The following CFAP53 variants were observed in gnomAD, a reference collection of about 807,000 sequenced individuals.
CFAP53 encodes the protein cilia and flagella associated protein 53, also known as cilia- and flagella-associated protein 53.
A neutral mutation model predicts 59.7 loss-of-function variants in CFAP53; 62 were observed. The ratio of observed to expected loss-of-function variants is 1.04; its 90% CI spans 0.85 to 1.28. The LOEUF (loss-of-function observed/expected upper bound fraction) is 1.28, where lower values mean the gene tolerates loss of function less well. CFAP53 is among the 50% of genes most tolerant of loss of function. The pLI, the probability that CFAP53 is intolerant of heterozygous loss-of-function variation, is 0.00. For synonymous variants in CFAP53, 218 were observed against 205.7 expected, an observed-to-expected ratio of 1.06 and a Z score of -0.51; for missense variants, 629 against 615.6, an observed-to-expected ratio of 1.02 and a Z score of -0.23.
At chr18:50,265,817 G>C (rs917246323) in intron 1 of CFAP53, among the ~76,000 whole-genome samples, 4 of 152,216 alleles carry the variant, frequency 2.6e-5, no homozygotes, top group Non-Finnish European at 4.4e-5. Context: ...GGACACTTCT[G>C]TCCAGCAATG....
chr18:50,262,508 T>TAGACTC (rs1391694970), intron 1 of CFAP53, among the ~76,000 whole-genome samples: 18 of 152,312 alleles, frequency 1.2e-4, no homozygotes, highest in African/African-American at 4.3e-4. Flanking sequence ...TCTGTTGAGA[T>TAGACTC]TGTCTAGTCA....
At chr18:50,228,219 A>G (rs2033545687) in intron 7 of CFAP53, among the ~76,000 whole-genome samples, 1 of 151,384 alleles carries the variant, frequency 6.6e-6, no homozygotes, top group Admixed American at 6.6e-5. Flanking sequence ...TCAGCCTCCC[A>G]AAGTGCTGGG....
chr18:50,232,122 A>G (rs1174398460), intron 7 of CFAP53, among the ~76,000 whole-genome samples: 2 of 152,226 alleles, frequency 1.3e-5, no homozygotes, highest in African/African-American at 4.8e-5. Flanking sequence ...GGACATCCTG[A>G]GAGAAAGTGC....
intron 1 of CFAP53, among the ~76,000 whole-genome samples, chr18:50,266,112 T>A (rs1331037856): frequency 1.3e-5 from 2 of 152,164 alleles, no homozygotes; most frequent in African/African-American, 2.4e-5. Context: ...TGGGGGCAGA[T>A]GAAAGGCTGT....
At chr18:50,238,104 G>T (rs186453497) in intron 7 of CFAP53, among the ~76,000 whole-genome samples, 6 of 152,268 alleles carry the variant, frequency 3.9e-5, no homozygotes, top group Admixed American at 3.9e-4. Context: ...AATGGCAATG[G>T]AATTTAATTT....
chr18:50,260,464 C>A (rs2033880013), intron 3 of CFAP53, among the ~76,000 whole-genome samples: 1 of 152,058 alleles, frequency 6.6e-6, no homozygotes, highest in Non-Finnish European at 1.5e-5. Flanking sequence ...GAGTTCAAAA[C>A]CACCCTGCGC....
intron 3 of CFAP53, among the ~76,000 whole-genome samples, chr18:50,254,022 T>C (rs2033824652): frequency 6.6e-6 from 1 of 151,998 alleles, no homozygotes; most frequent in Non-Finnish European, 1.5e-5. Context: ...AAAAGAAATA[T>C]TGACAAATTT....
At chr18:50,258,826 T>C (rs918082762) in intron 3 of CFAP53, among the ~76,000 whole-genome samples, 1 of 152,044 alleles carries the variant, frequency 6.6e-6, no homozygotes, top group Non-Finnish European at 1.5e-5. Flanking sequence ...AAAGAACACA[T>C]ACAAATGGCA....
intron 3 of CFAP53, among the ~76,000 whole-genome samples, chr18:50,256,737 T>G (rs954508887): frequency 6.6e-6 from 1 of 152,080 alleles, no homozygotes; most frequent in African/African-American, 2.4e-5. Context: ...GAAGCTTTTC[T>G]CTGCACCATG....
rs375428455 is a variant in CFAP53, at chr18:50,262,022, C to T, written c.267G>A (p.Gly89=). The change falls in exon 2 of 8, where the codon GGG becomes GGA. Residue 89 remains glycine, a synonymous_variant. Transcript: ENST00000398545. ...GTCTTTCTTCAATGTTAATGATAAACCCTTGCACAGCATCCTTGATTCTTG... is the reference window on the plus strand; with the variant it reads ...GTCTTTCTTCAATGTTAATGATAAATCCTTGCACAGCATCCTTGATTCTTG... ...VRARIKDAVQ[G]FIINIEERRN... 36 of 1,613,928 alleles carry T rather than the reference C, an allele frequency of 2.2e-5. No homozygotes were observed. Among genetic ancestry groups the T allele is most frequent in the Non-Finnish European group, 2.1e-5 (25 of 1,179,920 alleles).
intron 2 of CFAP53, among the ~76,000 whole-genome samples, chr18:50,261,560 T>A (rs2033894414): frequency 6.6e-6 from 1 of 151,938 alleles, no homozygotes; most frequent in African/African-American, 2.4e-5. Flanking sequence ...GCCCAGCTGT[T>A]TTTTTATTTT....
intron 5 of CFAP53, among the ~76,000 whole-genome samples, chr18:50,243,373 G>A (rs893224815): frequency 5.9e-5 from 9 of 152,168 alleles, no homozygotes; most frequent in Non-Finnish European, 1.3e-4. Flanking sequence ...GGGACTCATT[G>A]TGCAATTCTT....
At chr18:50,263,533 T>C (rs1304937833) in intron 1 of CFAP53, among the ~76,000 whole-genome samples, 1 of 152,182 alleles carries the variant, frequency 6.6e-6, no homozygotes, top group African/African-American at 2.4e-5. Flanking sequence ...AAGATGATGC[T>C]GGGGGTTATA....
Position 50,251,222 on chromosome 18 carries a change from C to G in CFAP53, c.778-246G>C, listed in dbSNP as rs920789. Among the ~76,000 whole-genome samples the G allele has an allele frequency of 0.67, 101,570 of 152,110 alleles. 34,355 individuals are homozygous for G. The highest frequency in any genetic ancestry group is 0.79 in the East Asian group (4,083 of 5,174). On this transcript the variant is annotated intron_variant, in intron 4 of 7. Coordinates refer to ENST00000398545, the MANE Select transcript of CFAP53 (RefSeq NM_145020.5). ...AGAGTTGAAAACAGAAAAGTATAAACAGAAACTACTTTTAATCCCAGTACC... is the reference window on the plus strand; with the variant it reads ...AGAGTTGAAAACAGAAAAGTATAAAGAGAAACTACTTTTAATCCCAGTACC...
chr18:50,263,303 C>A (rs369574021), intron 1 of CFAP53, among the ~76,000 whole-genome samples: 1 of 152,312 alleles, frequency 6.6e-6, no homozygotes, highest in African/African-American at 2.4e-5. Context: ...AGAAACAAAA[C>A]TCTTAAGAGA....
At chr18:50,245,875 A>G (rs1172332255) in intron 5 of CFAP53, among the ~76,000 whole-genome samples, 1 of 151,894 alleles carries the variant, frequency 6.6e-6, no homozygotes, top group East Asian at 1.9e-4. Flanking sequence ...TTTTGAGATG[A>G]AGTTTCACTC....
intron 7 of CFAP53, among the ~76,000 whole-genome samples, chr18:50,230,351 G>A (rs531657167): frequency 3.8e-4 from 58 of 152,266 alleles, no homozygotes; most frequent in African/African-American, 1.4e-3. Context: ...TCTTGGGAGG[G>A]GAAGGTGGGG....
chr18:50,260,737 G>T (rs780216059), intron 3 of CFAP53, among the ~76,000 whole-genome samples: 5 of 152,110 alleles, frequency 3.3e-5, no homozygotes, highest in Non-Finnish European at 5.9e-5. Flanking sequence ...AGCAGCAGGG[G>T]GAAAGCCCAA....
intron 7 of CFAP53, among the ~76,000 whole-genome samples, chr18:50,229,740 C>CTTTTTTTTTTTTTTTT (rs141422966): frequency 7.4e-6 from 1 of 135,982 alleles, no homozygotes; most frequent in Non-Finnish European, 1.6e-5. Context: ...TTTTCTTTTT[C>CTTTTTTTTTTTTTTTT]TTTTTTTTTT....
Sources: allele counts gnomAD v4.1 joint callset (sites outside exome capture counted in the v4.1 genomes callset), GRCh38; gene constraint gnomAD v4.1.1; transcripts MANE v1.5; gene names NCBI Gene and HGNC (gene_info 2026-07-23, HGNC 2026-07-21).